MACF1: variants seen among roughly 807,000 people sequenced by gnomAD.
The protein encoded by MACF1 is microtubule-actin cross-linking factor 1.
MACF1 carries 193 observed loss-of-function variants against 854.8 expected under a neutral mutation model. The observed-to-expected ratio is 0.23, with a 90% CI of 0.20 to 0.25. The LOEUF (loss-of-function observed/expected upper bound fraction) is 0.25. Among genes scored for constraint, MACF1 ranks in the 10% least tolerant of loss-of-function variants. MACF1 has a pLI of 1.00. For missense variants in MACF1, 7,722 were observed against 8,929.1 expected, an observed-to-expected ratio of 0.86 and a Z score of 5.45; for synonymous variants, 3,185 against 3,226.7, an observed-to-expected ratio of 0.99 and a Z score of 0.44.
In MACF1 at chr1:39,300,257, C is replaced by T. The variant is rs1266905585; in HGVS notation, c.2529C>T (p.Leu843=). The T allele has an allele frequency of 3.1e-6, 5 of 1,613,924 alleles. No individual in the cohort carries two copies. Among genetic ancestry groups the T allele is most frequent in the East Asian group, 2.2e-5 (1 of 44,880 alleles). ...LIQSKSSVAS[L]VGRSKTIVQL... The stretch of plus-strand genomic sequence containing the variant: ...AGTCCAAGAGTTCCGTTGCCAGTCT[C>T]GTTGGGAGATCAAAAACCATCGTTC... Residue 843 remains leucine, a synonymous_variant, in exon 22 of 101, where the codon CTC becomes CTT. Transcript: ENST00000564288.
chr1:39,089,851 A>T (rs1261502935), intron 2 of MACF1, among the ~76,000 whole-genome samples: 2 of 152,222 alleles, frequency 1.3e-5, no homozygotes, highest in Non-Finnish European at 2.9e-5. Context: ...GGAGATGGTG[A>T]TAAAGGGTGT....
At chr1:39,393,192 A>ATATAT (rs1434134146) in intron 58 of MACF1, among the ~76,000 whole-genome samples, 308 of 84,484 alleles carry the variant, frequency 3.6e-3, no homozygotes, top group African/African-American at 0.015. Context: ...AAAAAAAAAA[A>ATATAT]AAAAATATAT....
At position 39,447,524 on chromosome 1, in the gene MACF1, A is replaced by G; in HGVS notation, c.19698A>G (p.Leu6566=). 1 of 1,614,188 alleles carries G rather than the reference A, an allele frequency of 6.2e-7. No individual in the cohort carries two copies. The highest frequency in any genetic ancestry group is 1.1e-5 in the South Asian group (1 of 91,088). The change falls in exon 81 of 101, where the codon TTA becomes TTG. Residue 6566 remains leucine, a synonymous_variant. Transcript: ENST00000564288. ...INWLTLAEQS[L]NIASPPSLIL... is the part of the protein sequence containing the mutation. Reference sequence around the variant, plus strand: ...GGCTCACTCTAGCAGAGCAGAGTTTAAACATCGCTTCTCCACCAAGCCTGA... The same window carrying G: ...GGCTCACTCTAGCAGAGCAGAGTTTGAACATCGCTTCTCCACCAAGCCTGA...
In MACF1 at chr1:39,368,238, G is replaced by T; in HGVS notation, c.12862G>T (p.Asp4288Tyr). ...TELSSCGFALDLCQHQDRVQN... is the reference protein window; with the variant it reads ...TELSSCGFALYLCQHQDRVQN... ...ACTGAGCTCTTGTGGCTTTGCGCTG[G>T]ACTTGTGCCAGCATCAGGACAGGGT... Residue 4288 changes from aspartate to tyrosine, a missense_variant, in exon 50 of 101, where the codon GAC becomes TAC. Physicochemically the swap from Asp to Tyr is radical, Grantham distance 160. Transcript: ENST00000564288. The T allele has an allele frequency of 6.2e-7, 1 of 1,614,114 alleles. No individual in the cohort carries two copies. The highest frequency in any genetic ancestry group is 8.5e-7 in the Non-Finnish European group (1 of 1,180,020).
intron 2 of MACF1, among the ~76,000 whole-genome samples, chr1:39,104,359 CT>C (rs1045705005): frequency 1.3e-5 from 2 of 152,222 alleles, no homozygotes; most frequent in Non-Finnish European, 2.9e-5. Context: ...AAAATGGCCC[CT>C]AATAAATCCC....
intron 21 of MACF1, among the ~76,000 whole-genome samples, chr1:39,298,145 C>CCAA (rs753187024): frequency 4.7e-5 from 7 of 149,662 alleles, no homozygotes; most frequent in Non-Finnish European, 8.9e-5. Context: ...AAAAAAAAAA[C>CCAA]CAACAACAAC....
chr1:39,453,770 G>A lies in MACF1; in HGVS notation c.20806G>A (p.Val6936Ile). 6.2e-7 allele frequency: 1 copy of A among 1,614,088 alleles called. No individual in the cohort carries two copies. The highest frequency in any genetic ancestry group is 8.5e-7 in the Non-Finnish European group (1 of 1,179,928). The change falls in exon 88 of 101, where the codon GTC becomes ATC. Residue 6936 changes from valine (V) to isoleucine (I), a missense_variant. Around this residue, in one of 15 missense-constraint regions of MACF1, gnomAD observed 729 missense variants for 900.5 expected, o/e 0.81. Transcript: ENST00000564288. ...DVNSAVAMGE[V>I]ILAVCHPDCI... ...TAACTCAGCAGTAGCCATGGGAGAA[G>A]TCATCCTGGCTGTCTGCCACCCCGA...
rs761808045 is a variant in MACF1 at position 39,444,802 on chromosome 1, G to C, written c.19572G>C (p.Trp6524Cys). Residue 6524 changes from tryptophan (W) to cysteine (C), a missense_variant, in exon 80 of 101, where the codon TGG becomes TGC. Transcript: ENST00000564288. ...GTGTAGCACTTTTGGAGCAGAAGTGGCATGTGGTCAGCAGTAAGATGGAAG... is the reference window on the plus strand; with the variant it reads ...GTGTAGCACTTTTGGAGCAGAAGTGCCATGTGGTCAGCAGTAAGATGGAAG... ...EQSVALLEQK[W>C]HVVSSKMEER... is the part of the protein sequence containing the mutation. 6 of 1,612,952 alleles carry C rather than the reference G, an allele frequency of 3.7e-6. No homozygotes were observed. The highest frequency in any genetic ancestry group is 1.7e-5 in the Admixed American group (1 of 59,924).
In MACF1 at chr1:39,347,193, C is replaced by T. The variant is rs1339039409; in HGVS notation, c.10798C>T (p.Gln3600Ter). Residue 3600 changes from glutamine to a stop codon, truncating the protein, a stop_gained, in exon 41 of 101, where the codon CAG (glutamine) becomes TAG (stop). Coordinates refer to ENST00000564288, the MANE Select transcript of MACF1 (RefSeq NM_001394062.1). LOFTEE classifies it high-confidence loss of function. ...ALQGHLQQMEQEALVKTLQKQ... is the reference protein window; with the variant it reads ...ALQGHLQQME ...GCAGGGCCATCTTCAACAAATGGAGCAGGAAGCCCTGGTGAAGGTCAGACT... is the reference window on the plus strand; with the variant it reads ...GCAGGGCCATCTTCAACAAATGGAGTAGGAAGCCCTGGTGAAGGTCAGACT... 6.2e-7 allele frequency: 1 copy of T among 1,613,164 alleles called. No individual in the cohort carries two copies. Among genetic ancestry groups the T allele is most frequent in the African/African-American group, 1.3e-5 (1 of 74,908 alleles).
At chr1:39,309,279 A>G (rs61783377) in intron 23 of MACF1, among the ~76,000 whole-genome samples, 3 of 151,344 alleles carry the variant, frequency 2.0e-5, no homozygotes, top group Non-Finnish European at 4.4e-5. Context: ...TTTTTTTTAA[A>G]TAGAGATGAG....
intron 58 of MACF1, among the ~76,000 whole-genome samples, chr1:39,403,042 T>C (rs760514617): frequency 3.1e-4 from 47 of 151,482 alleles, no homozygotes; most frequent in Admixed American, 2.2e-3. Flanking sequence ...CTCTCTCTTT[T>C]GTTTTTTTTG....
At chr1:39,447,663 G>A in intron 81 of MACF1, 29 bp from the exon 82 acceptor site, 2 of 1,613,780 alleles carry the variant, frequency 1.2e-6, no homozygotes, top group South Asian at 1.1e-5. Flanking sequence ...CTTATCTTAA[G>A]CTAAAAAAGA....
chr1:39,195,400 A>G (rs1644307633), intron 2 of MACF1, among the ~76,000 whole-genome samples: 1 of 152,206 alleles, frequency 6.6e-6, no homozygotes, highest in Non-Finnish European at 1.5e-5. Flanking sequence ...TAATTTGCTC[A>G]TTCCACAAAT....
intron 2 of MACF1, among the ~76,000 whole-genome samples, chr1:39,102,193 A>AAGAGAGAGAG (rs61576279): frequency 6.8e-6 from 1 of 148,078 alleles, no homozygotes; most frequent in Non-Finnish European, 1.5e-5. Context: ...AAGAAAAAGA[A>AAGAGAGAGAG]AGAGAGAGAG....
At chr1:39,255,187 G>T (rs1439435544) in intron 5 of MACF1, among the ~76,000 whole-genome samples, 6 of 152,324 alleles carry the variant, frequency 3.9e-5, no homozygotes, top group Admixed American at 1.3e-4. Context: ...TATCCATGCT[G>T]CTTTCTACAC....
intron 2 of MACF1, among the ~76,000 whole-genome samples, chr1:39,243,440 T>C (rs898109697): frequency 7.2e-4 from 110 of 152,296 alleles, no homozygotes; most frequent in African/African-American, 2.5e-3. Flanking sequence ...CTCACTCTGT[T>C]GTCCAGGCTG....
intron 70 of MACF1, among the ~76,000 whole-genome samples, chr1:39,437,374 T>C (rs1570076718): frequency 6.6e-6 from 1 of 152,006 alleles, no homozygotes; most frequent in Non-Finnish European, 1.5e-5. Context: ...GCAGTGGTGC[T>C]ATCTCAGCTC....
intron 58 of MACF1, among the ~76,000 whole-genome samples, chr1:39,400,498 T>G (rs949947736): frequency 6.6e-6 from 1 of 151,922 alleles, no homozygotes. Flanking sequence ...TTTTTTCATT[T>G]TTTGTTTGTT....
chr1:39,134,697 A>T (rs1643119233), intron 2 of MACF1, among the ~76,000 whole-genome samples: 1 of 152,222 alleles, frequency 6.6e-6, no homozygotes, highest in African/African-American at 2.4e-5. Context: ...CGTAAAACAC[A>T]TTGGTTGGCA....
Sources: allele counts gnomAD v4.1 joint callset (sites outside exome capture counted in the v4.1 genomes callset), GRCh38; gene constraint gnomAD v4.1.1; regional missense constraint gnomAD v4.1.1; transcripts MANE v1.5; gene names NCBI Gene and HGNC (gene_info 2026-07-23, HGNC 2026-07-21).